EPHB1: variants seen among roughly 807,000 people sequenced by gnomAD.
EPHB1 encodes the protein EPH receptor B1, also known as ephrin type-B receptor 1.
In EPHB1, 30 loss-of-function variants were observed where a neutral mutation model predicts 94.4. The ratio of observed to expected loss-of-function variants is 0.32; its 90% CI spans 0.24 to 0.43. EPHB1 has a LOEUF of 0.43. EPHB1 is among the 20% of genes least tolerant of loss of function. The pLI, the probability that EPHB1 is intolerant of heterozygous loss-of-function variation, is 1.00. For missense variants in EPHB1, 1,055 were observed against 1,308.3 expected, an observed-to-expected ratio of 0.81 and a Z score of 2.99; for synonymous variants, 522 against 489.1, an observed-to-expected ratio of 1.07 and a Z score of -0.89.
chr3:135,002,972 G>T (rs1352071461), intron 3 of EPHB1, among the ~76,000 whole-genome samples: 1 of 152,140 alleles, frequency 6.6e-6, no homozygotes, highest in Non-Finnish European at 1.5e-5. Context: ...GTTCTGCTCT[G>T]ATTTTAGTTA....
At chr3:135,080,154 T>G (rs904872387) in intron 3 of EPHB1, among the ~76,000 whole-genome samples, 15 of 152,122 alleles carry the variant, frequency 9.9e-5, no homozygotes, top group African/African-American at 2.2e-4. Context: ...CTTGTAAGAT[T>G]GGGAAAGGGA....
At chr3:135,184,267 T>C (rs758575514) in intron 10 of EPHB1, among the ~76,000 whole-genome samples, 4 of 152,106 alleles carry the variant, frequency 2.6e-5, no homozygotes, top group Non-Finnish European at 5.9e-5. Context: ...CAGTTGTGCA[T>C]GTGAGTGAAG....
chr3:135,008,707 T>G (rs752678257), intron 3 of EPHB1, among the ~76,000 whole-genome samples: 1 of 152,170 alleles, frequency 6.6e-6, no homozygotes, highest in Non-Finnish European at 1.5e-5. Flanking sequence ...GCTCTGAATG[T>G]GTAAATGGCA....
chr3:135,120,504 G>T (rs1430142550), intron 4 of EPHB1, among the ~76,000 whole-genome samples: 2 of 152,176 alleles, frequency 1.3e-5, no homozygotes, highest in East Asian at 3.9e-4. Context: ...ACTGTAGAGG[G>T]TGTTTGTCAC....
intron 2 of EPHB1, among the ~76,000 whole-genome samples, chr3:134,928,396 G>GC (rs1316566741): frequency 3.3e-5 from 5 of 152,172 alleles, no homozygotes; most frequent in African/African-American, 1.2e-4. Context: ...TTCATTTCTA[G>GC]CCCCCCTTCA....
chr3:134,968,034 A>G lies in EPHB1; in HGVS notation c.805+15982A>G, dbSNP rs149021762. Among the ~76,000 whole-genome samples, 654 of 152,356 alleles carry G rather than the reference A, an allele frequency of 4.3e-3. 3 individuals are homozygous for G. Among genetic ancestry groups the G allele is most frequent in the African/African-American group, 0.015 (620 of 41,574 alleles). On this transcript the variant is annotated intron_variant, in intron 3 of 15. Transcript: ENST00000398015. Reference sequence around the variant, plus strand: ...AGGACATGAGTCCATTTGCCATGCAACTAGCCAGGGTGGAAAAAGCTGTAG... The same window carrying G: ...AGGACATGAGTCCATTTGCCATGCAGCTAGCCAGGGTGGAAAAAGCTGTAG...
intron 1 of EPHB1, among the ~76,000 whole-genome samples, chr3:134,888,575 G>A (rs189247467): frequency 2.6e-5 from 4 of 152,210 alleles, no homozygotes; most frequent in Admixed American, 2.0e-4. Flanking sequence ...GGGTGTGGTG[G>A]CATGTGCCTG....
At chr3:134,861,589 A>T (rs1326335845) in intron 1 of EPHB1, among the ~76,000 whole-genome samples, 1 of 152,190 alleles carries the variant, frequency 6.6e-6, no homozygotes, top group Non-Finnish European at 1.5e-5. Flanking sequence ...TGTGTGAAAG[A>T]GTTACGGAAG....
At chr3:135,252,301 G>C (rs1421026197) in intron 15 of EPHB1, among the ~76,000 whole-genome samples, 2 of 150,078 alleles carry the variant, frequency 1.3e-5, no homozygotes, top group Non-Finnish European at 3.0e-5. Flanking sequence ...TGCCATGCTG[G>C]TGCGCTGCAC....
chr3:134,851,076 G>C (rs914216326), intron 1 of EPHB1, among the ~76,000 whole-genome samples: 3 of 152,244 alleles, frequency 2.0e-5, no homozygotes, highest in Admixed American at 1.3e-4. Context: ...GTGTTTGAAG[G>C]GAAAGGTGCT....
At chr3:134,841,988 G>A (rs1478391450) in intron 1 of EPHB1, among the ~76,000 whole-genome samples, 1 of 152,172 alleles carries the variant, frequency 6.6e-6, no homozygotes, top group African/African-American at 2.4e-5. Flanking sequence ...TGTTGCAGTG[G>A]TGCTGTAGTC....
chr3:134,922,420 A>G (rs527434589), intron 1 of EPHB1, among the ~76,000 whole-genome samples: 2 of 152,210 alleles, frequency 1.3e-5, no homozygotes, highest in Non-Finnish European at 2.9e-5. Context: ...GGCAGATGTA[A>G]AGAAATGGAT....
chr3:135,185,803 G>A (rs1942311424), intron 10 of EPHB1, among the ~76,000 whole-genome samples: 1 of 152,148 alleles, frequency 6.6e-6, no homozygotes, highest in Admixed American at 6.5e-5. Flanking sequence ...GCTTCCGATG[G>A]CATTTTGGAA....
rs1291066093 is a variant in EPHB1, at chr3:135,259,792, A to AAAGAAAC, written c.*673_*679dup. ...TGTTTGCATTTTCTGCAAAAAGGAAAAAGAAACCACAAATTGGGGAAAAAA... is the reference window on the plus strand; with the variant it reads ...TGTTTGCATTTTCTGCAAAAAGGAAAAAGAAACAAGAAACCACAAATTGGGGAAAAAA... On this transcript the variant is annotated 3_prime_UTR_variant, in exon 16 of 16. Transcript: ENST00000398015. The AAAGAAAC allele has an allele frequency of 4.6e-6, 1 of 216,426 alleles. No individual in the cohort carries two copies. The highest frequency in any genetic ancestry group is 2.3e-5 in the African/African-American group (1 of 44,226). 13.4% of individuals were successfully genotyped at this position (216,426 alleles called of 1,614,324 possible). A position where few individuals can be genotyped will look rare whatever the true frequency, so the allele number is the denominator to read the frequency against.
chr3:135,153,796 C>G (rs922456800), intron 5 of EPHB1, among the ~76,000 whole-genome samples: 1 of 152,192 alleles, frequency 6.6e-6, no homozygotes, highest in African/African-American at 2.4e-5. Context: ...TCCTTCAACA[C>G]CTTCTTCTCA....
At chr3:134,906,547 C>T (rs1460346670) in intron 1 of EPHB1, among the ~76,000 whole-genome samples, 1 of 152,146 alleles carries the variant, frequency 6.6e-6, no homozygotes, top group East Asian at 1.9e-4. Context: ...TTGTCCAGGC[C>T]ACAACCCTTC....
chr3:135,128,501 G>A (rs147679773), intron 4 of EPHB1, among the ~76,000 whole-genome samples: 4 of 152,332 alleles, frequency 2.6e-5, no homozygotes, highest in Non-Finnish European at 5.9e-5. Flanking sequence ...GACACCTGGG[G>A]CCATCATCAT....
chr3:134,826,313 A>G (rs1396096549), intron 1 of EPHB1, among the ~76,000 whole-genome samples: 1 of 151,940 alleles, frequency 6.6e-6, no homozygotes, highest in Non-Finnish European at 1.5e-5. Flanking sequence ...GCCAGAATAC[A>G]ATTAGGAAGT....
At chr3:134,864,972 A>G (rs2037342277) in intron 1 of EPHB1, among the ~76,000 whole-genome samples, 1 of 152,200 alleles carries the variant, frequency 6.6e-6, no homozygotes, top group Non-Finnish European at 1.5e-5. Context: ...TGAATGTTCC[A>G]CGAAGAATTT....
Sources: allele counts gnomAD v4.1 joint callset (sites outside exome capture counted in the v4.1 genomes callset), GRCh38; gene constraint gnomAD v4.1.1; transcripts MANE v1.5; gene names NCBI Gene and HGNC (gene_info 2026-07-23, HGNC 2026-07-21).